TOX: variants seen among roughly 807,000 people sequenced by gnomAD.
The protein encoded by TOX is thymocyte selection associated high mobility group box.
TOX carries 11 observed loss-of-function variants against 53.7 expected under a neutral mutation model. The observed-to-expected ratio is 0.20, with a 90% confidence interval of 0.13 to 0.34. TOX has a LOEUF of 0.34. Among genes scored for constraint, TOX ranks in the 10% least tolerant of loss-of-function variants. TOX has a pLI of 1.00. For missense variants in TOX, 570 were observed against 664.6 expected, an observed-to-expected ratio of 0.86 and a Z score of 1.56; for synonymous variants, 225 against 245.3, an observed-to-expected ratio of 0.92 and a Z score of 0.77.
At chr8:58,966,112 C>T (rs1367831641) in intron 1 of TOX, among the ~76,000 whole-genome samples, 1 of 152,028 alleles carries the variant, frequency 6.6e-6, no homozygotes, top group African/African-American at 2.4e-5. Context: ...ACATCCTCAC[C>T]AGTCTCAAGA....
At chr8:59,030,906 T>C (rs181246318) in intron 1 of TOX, among the ~76,000 whole-genome samples, 1 of 152,198 alleles carries the variant, frequency 6.6e-6, no homozygotes, top group Non-Finnish European at 1.5e-5. Context: ...GTCAGAAACA[T>C]CATACATCAG....
intron 4 of TOX, among the ~76,000 whole-genome samples, chr8:58,839,400 A>G (rs917797569): frequency 2.0e-5 from 3 of 152,192 alleles, no homozygotes; most frequent in African/African-American, 7.2e-5. Flanking sequence ...TTTTTACTCA[A>G]TTTAAGAGTA....
chr8:59,100,426 A>T (rs527898463), intron 1 of TOX, among the ~76,000 whole-genome samples: 1 of 152,338 alleles, frequency 6.6e-6, no homozygotes, highest in Admixed American at 6.5e-5. Flanking sequence ...AGCACCGCTG[A>T]CAGCCATCAG....
chr8:58,807,230 C>T lies in TOX; in HGVS notation c.*517G>A, dbSNP rs1005831725. On this transcript the variant is annotated 3_prime_UTR_variant, in exon 9 of 9. Coordinates refer to ENST00000361421, the MANE Select transcript of TOX (RefSeq NM_014729.3). ...AAAATATGAATGTTTGCCAATTTAA[C>T]CCCTATTGTGAAATCAATAAACTGG... 2.0e-5 allele frequency: 3 copies of T among 152,558 alleles called. No individual in the cohort carries two copies. The highest frequency in any genetic ancestry group is 6.5e-5 in the Admixed American group (1 of 15,288). The allele number at this position is 152,558 out of a possible 1,614,324, so 9.5% of individuals were successfully genotyped here.
intron 1 of TOX, among the ~76,000 whole-genome samples, chr8:59,022,408 A>G (rs191385334): frequency 7.0e-4 from 106 of 152,252 alleles, no homozygotes; most frequent in Admixed American, 1.9e-3. Flanking sequence ...ACACAACTCT[A>G]TAACACCGGC....
chr8:58,965,188 G>A (rs1812871379), intron 1 of TOX, among the ~76,000 whole-genome samples: 1 of 152,052 alleles, frequency 6.6e-6, no homozygotes, highest in African/African-American at 2.4e-5. Flanking sequence ...GAATAAATAG[G>A]CTGATTTATT....
At chr8:58,829,428 A>C (rs1175528587) in intron 5 of TOX, among the ~76,000 whole-genome samples, 1 of 152,180 alleles carries the variant, frequency 6.6e-6, no homozygotes, top group Non-Finnish European at 1.5e-5. Flanking sequence ...TAAGTGCCTA[A>C]ATACCACTTT....
At chr8:58,901,236 TA>T (rs1563383859) in intron 3 of TOX, among the ~76,000 whole-genome samples, 1 of 152,168 alleles carries the variant, frequency 6.6e-6, no homozygotes, top group Non-Finnish European at 1.5e-5. Context: ...AATTTTCTAA[TA>T]AAAAATGCAT....
At chr8:59,027,084 A>C in intron 1 of TOX, among the ~76,000 whole-genome samples, 1 of 152,174 alleles carries the variant, frequency 6.6e-6, no homozygotes, top group South Asian at 2.1e-4. Flanking sequence ...TGGTCTCACC[A>C]TGAAAGCTAC....
chr8:58,936,465 G>A (rs1175087224), intron 3 of TOX, among the ~76,000 whole-genome samples: 1 of 152,150 alleles, frequency 6.6e-6, no homozygotes, highest in Non-Finnish European at 1.5e-5. Flanking sequence ...CTGTCCAGAA[G>A]GACAGTAGCT....
At chr8:58,871,358 C>T (rs893660003) in intron 3 of TOX, among the ~76,000 whole-genome samples, 1 of 152,030 alleles carries the variant, frequency 6.6e-6, no homozygotes, top group African/African-American at 2.4e-5. Flanking sequence ...TTTATCAAAA[C>T]CTTTAGAACT....
At chr8:59,063,201 T>C (rs1297304948) in intron 1 of TOX, among the ~76,000 whole-genome samples, 3 of 152,090 alleles carry the variant, frequency 2.0e-5, no homozygotes, top group African/African-American at 4.8e-5. Context: ...CAATCAAACA[T>C]TGCAACTACC....
At chr8:58,964,857 T>G (rs1003746415) in intron 1 of TOX, among the ~76,000 whole-genome samples, 5 of 110,094 alleles carry the variant, frequency 4.5e-5, no homozygotes, top group African/African-American at 1.8e-4. Flanking sequence ...AATGGCTATT[T>G]GTAGCTGGTG....
At chr8:59,024,638 T>C (rs1814202370) in intron 1 of TOX, among the ~76,000 whole-genome samples, 1 of 152,168 alleles carries the variant, frequency 6.6e-6, no homozygotes, top group Non-Finnish European at 1.5e-5. Flanking sequence ...GGAAATCTTA[T>C]CACTAACCCA....
rs191970234 is a variant in TOX at position 58,826,852 on chromosome 8, G to A, written c.975C>T (p.Leu325=). The stretch of plus-strand genomic sequence containing the variant: ...ATACAAGGCTGGCTCTGTATGCTGC[G>A]AGTTGCTTCAGGTACTCCTTCTTCG... ...EAAKKEYLKQ[L]AAYRASLVSK... Residue 325 remains leucine, a synonymous_variant, in exon 6 of 9, where the codon CTC becomes CTT. Transcript: ENST00000361421. The A allele has an allele frequency of 2.1e-5, 34 of 1,611,960 alleles. No homozygotes were observed. In the East Asian group the frequency reaches 2.9e-4, roughly 14 times the overall value.
At chr8:59,025,977 C>A (rs770741258) in intron 1 of TOX, among the ~76,000 whole-genome samples, 1 of 152,170 alleles carries the variant, frequency 6.6e-6, no homozygotes, top group Non-Finnish European at 1.5e-5. Flanking sequence ...AAGCAATGCA[C>A]CACGTGAGTG....
At position 58,807,667 on chromosome 8, in the gene TOX, A is replaced by G; in HGVS notation, c.*80T>C. Reference sequence around the variant, plus strand: ...CTTGTATTTTCTAATAAAATGGAGAACTGCCTTGACTGTACAAAGCAATCC... The same window carrying G: ...CTTGTATTTTCTAATAAAATGGAGAGCTGCCTTGACTGTACAAAGCAATCC... On this transcript the variant is annotated 3_prime_UTR_variant, in exon 9 of 9. Coordinates refer to ENST00000361421, the MANE Select transcript of TOX (RefSeq NM_014729.3). 6.5e-7 allele frequency: 1 copy of G among 1,533,136 alleles called. No homozygotes were observed. Among genetic ancestry groups the G allele is most frequent in the Non-Finnish European group, 9.0e-7 (1 of 1,111,544 alleles). The allele number at this position is 1,533,136 out of a possible 1,614,324, so 95.0% of individuals were successfully genotyped here. A position where few individuals can be genotyped will look rare whatever the true frequency, so the allele number is the denominator to read the frequency against.
intron 3 of TOX, among the ~76,000 whole-genome samples, chr8:58,898,357 C>G (rs888926476): frequency 2.8e-5 from 1 of 35,848 alleles, no homozygotes. Flanking sequence ...GCTTTTATCT[C>G]TCGTTGTGCT....
chr8:58,856,942 C>A (rs188026776), intron 3 of TOX, among the ~76,000 whole-genome samples: 2 of 152,218 alleles, frequency 1.3e-5, no homozygotes, highest in East Asian at 3.9e-4. Flanking sequence ...TCTGTCATTG[C>A]AGAATTACTG....
Sources: gnomAD v4.1 joint callset for allele counts (sites outside exome capture counted in the v4.1 genomes callset) on GRCh38, gnomAD v4.1.1 for gene constraint, MANE v1.5 for transcripts, NCBI Gene and HGNC (gene_info 2026-07-23, HGNC 2026-07-21) for gene names.